Variants in KCNAB1 observed in about 807,000 individuals in gnomAD.
KCNAB1 encodes potassium voltage-gated channel subfamily A regulatory beta subunit 1.
A neutral mutation model predicts 64.6 loss-of-function variants in KCNAB1; 35 were observed. That is an observed-to-expected ratio of 0.54 (90% CI 0.41 to 0.72). The LOEUF (loss-of-function observed/expected upper bound fraction) is 0.72, where lower values mean the gene tolerates loss of function less well. KCNAB1 is among the 30% of genes least tolerant of loss of function. The pLI is 0.00. For missense variants in KCNAB1, 401 were observed against 512.9 expected (o/e 0.78, Z 2.11); for synonymous variants, 177 against 183.8 (o/e 0.96, Z 0.30).
intron 1 of KCNAB1, among the ~76,000 whole-genome samples, chr3:156,128,547 C>G (rs900189304): frequency 6.6e-6 from 1 of 152,178 alleles, no homozygotes; most frequent in African/African-American, 2.4e-5. Flanking sequence ...TATAAAATGT[C>G]TTGTCGTGCA....
At chr3:156,443,449 G>A (rs1225725482) in intron 2 of KCNAB1, among the ~76,000 whole-genome samples, 1 of 152,178 alleles carries the variant, frequency 6.6e-6, no homozygotes, top group Non-Finnish European at 1.5e-5. Flanking sequence ...TGGGGCTGTG[G>A]AGTGTCCACT....
At chr3:156,498,079 A>C (rs1374152319) in intron 8 of KCNAB1, among the ~76,000 whole-genome samples, 1 of 152,232 alleles carries the variant, frequency 6.6e-6, no homozygotes, top group Non-Finnish European at 1.5e-5. Flanking sequence ...AGCAAGTCAA[A>C]CATCAGATTT....
rs1172442840 is a variant in KCNAB1 at position 156,375,433 on chromosome 3, G to A, written c.276-46183G>A. On this transcript the variant is annotated intron_variant, in intron 1 of 13. Transcript: ENST00000490337. ...TTAACGACATTCCTGATGTTGCAAA[G>A]CTGGGAAGGGGCAGAGAATAGACCA... is the stretch of plus-strand genomic sequence containing the variant. Among the ~76,000 whole-genome samples the A allele has an allele frequency of 1.5e-5, 2 of 135,292 alleles. 1 individual carries two copies. Among genetic ancestry groups the A allele is most frequent in the Non-Finnish European group, 3.1e-5 (2 of 64,968 alleles). The allele number at this position is 135,292 out of a possible 152,430, so 88.8% of individuals were successfully genotyped here.
chr3:156,252,647 T>A (rs993842986), intron 1 of KCNAB1, among the ~76,000 whole-genome samples: 4 of 152,212 alleles, frequency 2.6e-5, no homozygotes, highest in Non-Finnish European at 4.4e-5. Context: ...TGGCTCACTT[T>A]AAATATATAG....
intron 6 of KCNAB1, among the ~76,000 whole-genome samples, chr3:156,465,201 G>A (rs934322347): frequency 3.9e-5 from 6 of 152,116 alleles, no homozygotes; most frequent in African/African-American, 1.4e-4. Flanking sequence ...ATTTATTTTG[G>A]AAGTCAAAAG....
rs183217804 is a variant in KCNAB1, at chr3:156,143,408, G to T, written c.275+22522G>T. On this transcript the variant is annotated intron_variant, in intron 1 of 13. Coordinates refer to ENST00000490337, the MANE Select transcript of KCNAB1 (RefSeq NM_172160.3). Reference sequence around the variant, plus strand: ...CAGGAAACCACCAGAGCAGAGACGGGCATGGCATACAGGTACTGCTGATTG... The same window carrying T: ...CAGGAAACCACCAGAGCAGAGACGGTCATGGCATACAGGTACTGCTGATTG... The T allele has an allele frequency of 7.6e-5, 121 of 1,587,460 alleles. 1 individual carries two copies. Among genetic ancestry groups the T allele is most frequent in the Non-Finnish European group, 4.7e-5 (55 of 1,166,460 alleles).
chr3:156,235,547 C>T (rs779025756), intron 1 of KCNAB1, among the ~76,000 whole-genome samples: 5 of 152,188 alleles, frequency 3.3e-5, no homozygotes, highest in South Asian at 2.1e-4. Flanking sequence ...TGGTGGCCCA[C>T]GTGGCTGACC....
At chr3:156,357,760 TATATC>T (rs1257732385) in intron 1 of KCNAB1, among the ~76,000 whole-genome samples, 1 of 150,046 alleles carries the variant, frequency 6.7e-6, no homozygotes, top group Non-Finnish European at 1.5e-5. Flanking sequence ...ACCTTATCAA[TATATC>T]ATAATGTAAA....
chr3:156,442,602 C>A (rs759549368), intron 2 of KCNAB1, among the ~76,000 whole-genome samples: 4 of 152,198 alleles, frequency 2.6e-5, no homozygotes, highest in Non-Finnish European at 5.9e-5. Flanking sequence ...AGATGTTTAA[C>A]CCTCAAAACC....
At chr3:156,215,029 AATT>A (rs1277553409) in intron 1 of KCNAB1, among the ~76,000 whole-genome samples, 3 of 152,232 alleles carry the variant, frequency 2.0e-5, no homozygotes, top group Non-Finnish European at 4.4e-5. Context: ...AGATAATCAT[AATT>A]ATTATAAGAG....
upstream of KCNAB1, among the ~76,000 whole-genome samples, chr3:156,120,188 A>AGTTGCT (rs1713251674): frequency 6.6e-6 from 1 of 152,242 alleles, no homozygotes; most frequent in African/African-American, 2.4e-5. Context: ...AAGGGACTCT[A>AGTTGCT]ATCAGGAATG....
At chr3:156,206,156 A>G (rs1215824721) in intron 1 of KCNAB1, among the ~76,000 whole-genome samples, 6 of 152,194 alleles carry the variant, frequency 3.9e-5, no homozygotes, top group Admixed American at 3.9e-4. Flanking sequence ...CCTAGCATTC[A>G]TTCCCTCTTT....
rs1011894400 is a variant in KCNAB1, at chr3:156,537,759, G to A, written c.*1012G>A. 3 of 152,680 alleles carry A rather than the reference G, an allele frequency of 2.0e-5. No individual in the cohort carries two copies. Among genetic ancestry groups the A allele is most frequent in the East Asian group, 3.9e-4 (2 of 5,192 alleles). The allele number at this position is 152,680 out of a possible 1,614,324, so 9.5% of individuals were successfully genotyped here. On this transcript the variant is annotated 3_prime_UTR_variant, in exon 14 of 14. Coordinates refer to ENST00000490337, the MANE Select transcript of KCNAB1 (RefSeq NM_172160.3). ...TTAAGTAAACCTGTAAAATACCCAGGAAGGCAAATGTTCATTGTTTAATTA... is the reference window on the plus strand; with the variant it reads ...TTAAGTAAACCTGTAAAATACCCAGAAAGGCAAATGTTCATTGTTTAATTA...
intron 2 of KCNAB1, among the ~76,000 whole-genome samples, chr3:156,439,360 A>T (rs1386056991): frequency 6.6e-6 from 1 of 152,076 alleles, no homozygotes; most frequent in Non-Finnish European, 1.5e-5. Flanking sequence ...TGGAAGGAAG[A>T]TGAAAAACTT....
intron 1 of KCNAB1, among the ~76,000 whole-genome samples, chr3:156,311,335 A>G (rs752990087): frequency 1.5e-4 from 23 of 152,204 alleles, no homozygotes; most frequent in Non-Finnish European, 3.1e-4. Flanking sequence ...AAACCAATTG[A>G]TGTTTATACC....
intron 2 of KCNAB1, among the ~76,000 whole-genome samples, chr3:156,444,506 C>T (rs1398008795): frequency 6.6e-6 from 1 of 152,192 alleles, no homozygotes; most frequent in Non-Finnish European, 1.5e-5. Context: ...TTACCATTAC[C>T]ATCCCATCTT....
chr3:156,401,807 G>T (rs1713913396), intron 1 of KCNAB1, among the ~76,000 whole-genome samples: 1 of 151,048 alleles, frequency 6.6e-6, no homozygotes, highest in Non-Finnish European at 1.5e-5. Context: ...ATTTGTAAAA[G>T]AATGATTGCC....
At chr3:156,223,187 C>T (rs1419451151) in intron 1 of KCNAB1, among the ~76,000 whole-genome samples, 3 of 152,184 alleles carry the variant, frequency 2.0e-5, no homozygotes, top group Admixed American at 1.3e-4. Context: ...AGTGAAGCTG[C>T]AGACCTTTGC....
At chr3:156,169,109 T>C (rs1270059313) in intron 1 of KCNAB1, among the ~76,000 whole-genome samples, 1 of 152,224 alleles carries the variant, frequency 6.6e-6, no homozygotes, top group Non-Finnish European at 1.5e-5. Flanking sequence ...CTTCGTATTA[T>C]CCACTTGTAT....
Sources: gnomAD v4.1 joint callset for allele counts (sites outside exome capture counted in the v4.1 genomes callset) on GRCh38, gnomAD v4.1.1 for gene constraint, MANE v1.5 for transcripts, NCBI Gene and HGNC (gene_info 2026-07-23, HGNC 2026-07-21) for gene names.